RBPMS2: variants seen among roughly 807,000 people sequenced by gnomAD.
RBPMS2 encodes RNA binding protein, mRNA processing factor 2.
Under a neutral mutation model 25.7 loss-of-function variants are expected in RBPMS2, and 14 were observed. That is an observed-to-expected ratio of 0.55 (90% CI 0.36 to 0.85). The LOEUF (loss-of-function observed/expected upper bound fraction) is 0.85. Ranked by LOEUF, RBPMS2 falls within the 40% of genes least tolerant of loss-of-function variation. The probability of loss-of-function intolerance (pLI) is 0.01; values close to 1 mark genes in which losing one functional copy is unlikely to be tolerated. For synonymous variants in RBPMS2, 127 were observed against 115.6 expected, an observed-to-expected ratio of 1.10 and a Z score of -0.63; for missense variants, 252 against 283.4, an observed-to-expected ratio of 0.89 and a Z score of 0.80.
At chr15:64,744,793 G>GTTTTGTTTTTT (rs2083600556) in intron 6 of RBPMS2, among the ~76,000 whole-genome samples, 1 of 57,796 alleles carries the variant, frequency 1.7e-5, no homozygotes, top group African/African-American at 8.7e-5. Context: ...TTTTTGGTTT[G>GTTTTGTTTTTT]TTTTGTTTTT....
chr15:64,763,319 A>G (rs1284159753), intron 1 of RBPMS2, among the ~76,000 whole-genome samples: 1 of 152,076 alleles, frequency 6.6e-6, no homozygotes, highest in Non-Finnish European at 1.5e-5. Context: ...ACTCCACAAC[A>G]TGTTTCCCAT....
intron 1 of RBPMS2, among the ~76,000 whole-genome samples, chr15:64,759,890 C>T (rs1191518309): frequency 6.6e-6 from 1 of 152,188 alleles, no homozygotes; most frequent in Non-Finnish European, 1.5e-5. Flanking sequence ...CCAGGATGGT[C>T]TTGAACTCCT....
chr15:64,744,030 C>T (rs2083589711), intron 6 of RBPMS2, among the ~76,000 whole-genome samples: 1 of 151,670 alleles, frequency 6.6e-6, no homozygotes, highest in African/African-American at 2.4e-5. Flanking sequence ...CGTGCTTGAG[C>T]CCAGGAGGCA....
chr15:64,743,882 A>G (rs919996935), intron 6 of RBPMS2, among the ~76,000 whole-genome samples: 2 of 152,172 alleles, frequency 1.3e-5, no homozygotes, highest in South Asian at 2.1e-4. Context: ...AGGTGGGCGG[A>G]TCTCTTGAGC....
intron 1 of RBPMS2, among the ~76,000 whole-genome samples, chr15:64,771,584 G>T (rs1049952516): frequency 3.3e-5 from 5 of 152,032 alleles, no homozygotes; most frequent in Admixed American, 6.6e-5. Context: ...TGAGGCAGGA[G>T]AATCACTTGA....
chr15:64,742,495 C>T (rs1008865447), intron 6 of RBPMS2, among the ~76,000 whole-genome samples: 6 of 152,240 alleles, frequency 3.9e-5, no homozygotes, highest in African/African-American at 1.2e-4. Context: ...GAAAATGGCA[C>T]GTTCCCTCCT....
Position 64,748,587 on chromosome 15 carries a change from C to G in RBPMS2, c.419-20G>C. On this transcript the variant is annotated intron_variant, in intron 5 of 7. Transcript: ENST00000300069. ...GGTCATCTACAACAGGAGACAATGG[C>G]CTCCATCATCAGAACACTCGCCTCC... 1 of 1,520,998 alleles carries G rather than the reference C, an allele frequency of 6.6e-7. No homozygotes were observed. The highest frequency in any genetic ancestry group is 8.8e-7 in the Non-Finnish European group (1 of 1,136,904). The allele number at this position is 1,520,998 out of a possible 1,614,324, so 94.2% of individuals were successfully genotyped here.
At chr15:64,772,702 C>A (rs950319771) in intron 1 of RBPMS2, among the ~76,000 whole-genome samples, 2 of 152,190 alleles carry the variant, frequency 1.3e-5, no homozygotes, top group African/African-American at 4.8e-5. Flanking sequence ...TCCTCCTACT[C>A]ACCCACATCT....
chr15:64,749,722 T>A (rs2083657458), intron 3 of RBPMS2, among the ~76,000 whole-genome samples: 1 of 152,166 alleles, frequency 6.6e-6, no homozygotes, highest in South Asian at 2.1e-4. Flanking sequence ...AGGAATATCC[T>A]GTGGGAAATG....
chr15:64,755,663 G>A (rs1481709087), intron 1 of RBPMS2, among the ~76,000 whole-genome samples: 1 of 152,154 alleles, frequency 6.6e-6, no homozygotes, highest in East Asian at 1.9e-4. Context: ...CATCCACTCA[G>A]TATGACACTT....
chr15:64,769,424 CAAAAAAAAA>C (rs11311509), intron 1 of RBPMS2, among the ~76,000 whole-genome samples: 1 of 87,914 alleles, frequency 1.1e-5, no homozygotes, highest in Non-Finnish European at 2.1e-5. Flanking sequence ...AACTCCGTCT[CAAAAAAAAA>C]AAAAAAAAGA....
At chr15:64,764,294 C>T (rs1406957476) in intron 1 of RBPMS2, among the ~76,000 whole-genome samples, 1 of 152,176 alleles carries the variant, frequency 6.6e-6, no homozygotes, top group South Asian at 2.1e-4. Flanking sequence ...ACAGAAGGGA[C>T]TAGATTCAAG....
chr15:64,743,732 C>T (rs917937251), intron 6 of RBPMS2, among the ~76,000 whole-genome samples: 2 of 152,320 alleles, frequency 1.3e-5, no homozygotes, highest in Non-Finnish European at 2.9e-5. Flanking sequence ...AGGATGCAAA[C>T]TCAGCCGTCT....
chr15:64,745,529 G>A (rs1287557143), intron 6 of RBPMS2, among the ~76,000 whole-genome samples: 1 of 152,186 alleles, frequency 6.6e-6, no homozygotes, highest in African/African-American at 2.4e-5. Context: ...GGAGAAAAAA[G>A]CCATGGAAGA....
chr15:64,747,618 G>A (rs1325749011), intron 6 of RBPMS2, among the ~76,000 whole-genome samples: 1 of 152,072 alleles, frequency 6.6e-6, no homozygotes, highest in African/African-American at 2.4e-5. Context: ...ACTGCTCCCC[G>A]ACACACGCAC....
intron 1 of RBPMS2, among the ~76,000 whole-genome samples, chr15:64,752,475 CCT>C (rs2083691712): frequency 6.6e-6 from 1 of 152,282 alleles, no homozygotes; most frequent in African/African-American, 2.4e-5. Flanking sequence ...TATACTCCTG[CCT>C]CTCTGCCTGC....
chr15:64,752,108 G>C (rs915782622), intron 1 of RBPMS2, among the ~76,000 whole-genome samples: 24 of 151,924 alleles, frequency 1.6e-4, no homozygotes, highest in Non-Finnish European at 3.2e-4. Flanking sequence ...GGGATTACTG[G>C]GGTACACCAC....
chr15:64,743,390 A>C (rs2083582359), intron 6 of RBPMS2, among the ~76,000 whole-genome samples: 1 of 152,248 alleles, frequency 6.6e-6, no homozygotes, highest in African/African-American at 2.4e-5. Context: ...CCTTGGGGAG[A>C]AAGTGGAGGA....
intron 1 of RBPMS2, among the ~76,000 whole-genome samples, chr15:64,772,304 C>CAAAA (rs1567072502): frequency 6.6e-6 from 1 of 152,134 alleles, no homozygotes; most frequent in Non-Finnish European, 1.5e-5. Context: ...CAGCCTGCCC[C>CAAAA]GGACAGGTTC....
Sources: gnomAD v4.1 joint callset for allele counts (sites outside exome capture counted in the v4.1 genomes callset) on GRCh38, gnomAD v4.1.1 for gene constraint, MANE v1.5 for transcripts, NCBI Gene and HGNC (gene_info 2026-07-23, HGNC 2026-07-21) for gene names.